VAV1: variants seen among roughly 807,000 people sequenced by gnomAD.
VAV1 encodes the protein vav guanine nucleotide exchange factor 1, also known as proto-oncogene vav.
In VAV1, 33 loss-of-function variants were observed where a neutral mutation model predicts 128.1. The ratio of observed to expected loss-of-function variants is 0.26; its 90% CI spans 0.20 to 0.34. The LOEUF (loss-of-function observed/expected upper bound fraction) is 0.34. VAV1 is among the 10% of genes least tolerant of loss of function. VAV1 has a pLI of 1.00. For synonymous variants in VAV1, 394 were observed against 409.8 expected (o/e 0.96, Z 0.47); for missense variants, 715 against 1,093.7 (o/e 0.65, Z 4.88).
Position 6,805,184 on chromosome 19 carries a change from G to A in VAV1, c.205-15518G>A, listed in dbSNP as rs553991948. Among the ~76,000 whole-genome samples, 14 of 152,100 alleles carry A rather than the reference G, an allele frequency of 9.2e-5. No homozygotes were observed. The South Asian group carries it at 2.1e-3, about 23-fold the overall frequency. ...TCATGCCTGTAATCCCAGCACTTTG[G>A]GAGGCCGAGGCGGATGGATCACCTA... On this transcript the variant is annotated intron_variant, in intron 1 of 26. Coordinates refer to ENST00000602142, the MANE Select transcript of VAV1 (RefSeq NM_005428.4).
chr19:6,788,212 G>A (rs1599622702), intron 1 of VAV1, among the ~76,000 whole-genome samples: 1 of 151,796 alleles, frequency 6.6e-6, no homozygotes, highest in Admixed American at 6.6e-5. Context: ...TAGATTACAG[G>A]AATGAGCCAC....
intron 1 of VAV1, chr19:6,784,387 T>G: frequency 2.4e-6 from 1 of 415,730 alleles, no homozygotes; most frequent in Non-Finnish European, 4.3e-6. Context: ...GCAAAATGGG[T>G]TGGGCTGATT....
At chr19:6,803,731 AT>A (rs1206559360) in intron 1 of VAV1, among the ~76,000 whole-genome samples, 1 of 151,972 alleles carries the variant, frequency 6.6e-6, no homozygotes, top group Non-Finnish European at 1.5e-5. Context: ...CACCTGGCTA[AT>A]TTTTGTATTT....
chr19:6,816,648 A>T (rs1305743083), intron 1 of VAV1, among the ~76,000 whole-genome samples: 1 of 151,854 alleles, frequency 6.6e-6, no homozygotes, highest in Admixed American at 6.6e-5. Context: ...CCCCACACCG[A>T]TCTAAGCCTG....
At chr19:6,814,671 C>CTTTCCTT (rs540074087) in intron 1 of VAV1, among the ~76,000 whole-genome samples, 2 of 25,796 alleles carry the variant, frequency 7.8e-5, no homozygotes, top group Non-Finnish European at 1.4e-4. Context: ...TTCCTTCCTT[C>CTTTCCTT]CTTTCTTTCT....
rs1416477027 is a variant in VAV1 at position 6,776,476 on chromosome 19, CCATT to C, written c.204+3469_204+3472del. Among the ~76,000 whole-genome samples the C allele has an allele frequency of 1.3e-3, 191 of 144,820 alleles. No homozygotes were observed. In the Middle Eastern group the frequency reaches 0.014, roughly 11 times the overall value. On this transcript the variant is annotated intron_variant, in intron 1 of 26. Transcript: ENST00000602142. ...CCCATCCACCCACCCATCCATCCAT[CCATT>C]CATCCATTCATCCATCCACTCATCT...
intron 1 of VAV1, among the ~76,000 whole-genome samples, chr19:6,805,583 T>TACGCACACACACACAC (rs1971376205): frequency 7.2e-6 from 1 of 139,008 alleles, no homozygotes; most frequent in Admixed American, 7.5e-5. Flanking sequence ...TTTCTACAGA[T>TACGCACACACACACAC]ACACACACAC....
At chr19:6,803,129 G>A (rs889815686) in intron 1 of VAV1, among the ~76,000 whole-genome samples, 2 of 152,172 alleles carry the variant, frequency 1.3e-5, no homozygotes, top group South Asian at 2.1e-4. Flanking sequence ...ATTCCAGGGC[G>A]AGCTGGAGGT....
chr19:6,819,664 G>C lies in VAV1; in HGVS notation c.205-1038G>C, dbSNP rs75944137. Reference sequence around the variant, plus strand: ...ATGGATTTTAACCAACTCTACTGACGAGTCTGCTTTAGGACTCTTGGTCCA... The same window carrying C: ...ATGGATTTTAACCAACTCTACTGACCAGTCTGCTTTAGGACTCTTGGTCCA... On this transcript the variant is annotated intron_variant, in intron 1 of 26. Coordinates refer to ENST00000602142, the MANE Select transcript of VAV1 (RefSeq NM_005428.4). 6.0e-4 allele frequency among the ~76,000 whole-genome samples: 91 copies of C among 152,266 alleles called. 1 individual carries two copies. Among genetic ancestry groups the C allele is most frequent in the African/African-American group, 2.2e-3 (91 of 41,540 alleles).
intron 22 of VAV1, among the ~76,000 whole-genome samples, chr19:6,847,102 C>T (rs1481386257): frequency 6.6e-6 from 1 of 151,916 alleles, no homozygotes; most frequent in Non-Finnish European, 1.5e-5. Flanking sequence ...TTAGTAGAGA[C>T]GAGGTTTCAC....
rs534519869 is a variant in VAV1 at position 6,848,952 on chromosome 19, T to C, written c.2129+838T>C. 3.3e-5 allele frequency among the ~76,000 whole-genome samples: 5 copies of C among 151,636 alleles called. No individual in the cohort carries two copies. In the East Asian group the frequency reaches 7.8e-4, roughly 24 times the overall value. On this transcript the variant is annotated intron_variant, in intron 23 of 26. Coordinates refer to ENST00000602142, the MANE Select transcript of VAV1 (RefSeq NM_005428.4). ...GGGACTATAGGTGTGCACCACCACA[T>C]CCAGCTAATGTTTATATTTTTTGTA...
intron 1 of VAV1, among the ~76,000 whole-genome samples, chr19:6,803,691 A>C (rs1971322280): frequency 6.6e-6 from 1 of 152,026 alleles, no homozygotes. Flanking sequence ...CAGCCTCCTG[A>C]GTAGCTGGGT....
rs761190562 is a variant in VAV1, at chr19:6,826,075, C to T, written c.828-537C>T. On this transcript the variant is annotated intron_variant, in intron 8 of 26. Coordinates refer to ENST00000602142, the MANE Select transcript of VAV1 (RefSeq NM_005428.4). The surrounding 1 kb of genome is among the most constrained non-coding windows in gnomAD (Gnocchi z 4.1). ...AAAACAGGCCAGGCGTGGTGGCTCA[C>T]GCCTGTAATTCCAGCACTTTGGGAG... Among the ~76,000 whole-genome samples the T allele has an allele frequency of 4.0e-5, 6 of 149,148 alleles. No individual in the cohort carries two copies. The South Asian group carries it at 6.4e-4, about 16-fold the overall frequency.
At chr19:6,804,430 A>T (rs986074604) in intron 1 of VAV1, among the ~76,000 whole-genome samples, 1 of 151,824 alleles carries the variant, frequency 6.6e-6, no homozygotes, top group Non-Finnish European at 1.5e-5. Context: ...TTATTTATTT[A>T]TTTAGAGACA....
intron 1 of VAV1, among the ~76,000 whole-genome samples, chr19:6,781,057 C>T (rs1415447248): frequency 2.0e-5 from 3 of 151,802 alleles, no homozygotes; most frequent in East Asian, 3.9e-4. Context: ...TACAGATGCA[C>T]ACCACCAAGC....
At chr19:6,797,938 TA>T (rs567691544) in intron 1 of VAV1, among the ~76,000 whole-genome samples, 7,855 of 142,806 alleles carry the variant, frequency 0.055, 677 homozygotes, top group African/African-American at 0.19. Context: ...CCTGCTGACT[TA>T]AAAAAAAAAA....
rs768443541 is a variant in VAV1 at position 6,814,714 on chromosome 19, T to TTCTC, written c.205-5985_205-5984insCTCT. Among the ~76,000 whole-genome samples, 1,106 of 140,156 alleles carry TTCTC rather than the reference T, an allele frequency of 7.9e-3. 17 individuals are homozygous for TTCTC. The highest frequency in any genetic ancestry group is 0.013 in the Non-Finnish European group (819 of 65,492). 91.9% of individuals were successfully genotyped at this position (140,156 alleles called of 152,430 possible). On this transcript the variant is annotated intron_variant, in intron 1 of 26. Coordinates refer to ENST00000602142, the MANE Select transcript of VAV1 (RefSeq NM_005428.4). ...TTTCTTTCTTTCTTTCTTTCTTTCT[T>TTCTC]TCTTTCTTTCTTTCTTTCCTTTTTC... is the stretch of plus-strand genomic sequence containing the variant.
At chr19:6,773,181 TG>T (rs1459527346) in intron 1 of VAV1, among the ~76,000 whole-genome samples, 170 bp downstream of exon 1, 1 of 152,060 alleles carries the variant, frequency 6.6e-6, no homozygotes, top group Admixed American at 6.5e-5. Context: ...GATTCTGGGG[TG>T]GCCTCCCCAA....
At chr19:6,856,680 C>T (rs1314278275) in intron 26 of VAV1, among the ~76,000 whole-genome samples, 1 of 147,518 alleles carries the variant, frequency 6.8e-6, no homozygotes, top group Non-Finnish European at 1.5e-5. Flanking sequence ...GCTGAGATTG[C>T]GCCATTGCAC....
Sources: gnomAD v4.1 joint callset for allele counts (sites outside exome capture counted in the v4.1 genomes callset) on GRCh38, gnomAD v4.1.1 for gene constraint, Gnocchi (gnomAD v3.1) non-coding constraint, MANE v1.5 for transcripts, NCBI Gene and HGNC (gene_info 2026-07-23, HGNC 2026-07-21) for gene names.